Variants in TOP1MT observed in about 807,000 individuals in gnomAD.
TOP1MT encodes the protein DNA topoisomerase I, mitochondrial.
Under a neutral mutation model 73.9 loss-of-function variants are expected in TOP1MT, and 80 were observed. The ratio of observed to expected loss-of-function variants is 1.08; its 90% CI spans 0.90 to 1.30. The LOEUF is 1.30. Ranked by LOEUF, TOP1MT falls within the 50% of genes most tolerant of loss-of-function variation. The pLI is 0.00. For missense variants in TOP1MT, 815 were observed against 808.0 expected, an observed-to-expected ratio of 1.01 and a Z score of -0.10; for synonymous variants, 338 against 326.4, an observed-to-expected ratio of 1.04 and a Z score of -0.38.
chr8:143,338,116 C>T (rs1563769628), upstream of TOP1MT, among the ~76,000 whole-genome samples: 1 of 152,078 alleles, frequency 6.6e-6, no homozygotes, highest in Admixed American at 6.6e-5. Flanking sequence ...AACCGGTGTC[C>T]GAGAGGTTTT....
intron 1 of TOP1MT, among the ~76,000 whole-genome samples, chr8:143,355,654 C>G (rs1817395360): frequency 2.0e-5 from 3 of 152,166 alleles, no homozygotes. Context: ...GAAAGGGCCC[C>G]TGGCACATGA....
At chr8:143,329,499 G>A (rs377313658) in intron 2 of TOP1MT, 28 bp from the exon 3 acceptor site, 73 of 1,595,106 alleles carry the variant, frequency 4.6e-5, no homozygotes, top group Non-Finnish European at 5.6e-5. Context: ...CACATCGTAT[G>A]AGAGAGCGGC....
chr8:143,351,923 A>G (rs986504486), intron 1 of TOP1MT, among the ~76,000 whole-genome samples: 2 of 152,214 alleles, frequency 1.3e-5, no homozygotes, highest in African/African-American at 4.8e-5. Flanking sequence ...CTCTCTATTA[A>G]AAATACAAAA....
upstream of TOP1MT, among the ~76,000 whole-genome samples, chr8:143,359,575 G>A (rs2977349): frequency 1.3e-5 from 2 of 150,514 alleles, no homozygotes; most frequent in African/African-American, 5.0e-5. Flanking sequence ...CCGAGCGGGA[G>A]GGGTAAGCGA....
At chr8:143,348,032 G>T (rs192818592), upstream of TOP1MT, among the ~76,000 whole-genome samples, 43 of 152,312 alleles carry the variant, frequency 2.8e-4, no homozygotes, top group Admixed American at 2.4e-3. This position sits in a 1 kb window ranked among gnomAD's most constrained non-coding sequence, Gnocchi z 4.6. Context: ...CAGCAGCCTT[G>T]CAAGCCAGAG....
At chr8:143,339,316 G>A (rs367729977), upstream of TOP1MT, among the ~76,000 whole-genome samples, 12 of 152,336 alleles carry the variant, frequency 7.9e-5, no homozygotes, top group African/African-American at 2.4e-4. Context: ...GCAGGCGTGC[G>A]TATCACACCC....
intron 3 of TOP1MT, among the ~76,000 whole-genome samples, chr8:143,326,813 C>T (rs754943075): frequency 3.5e-4 from 54 of 152,328 alleles, no homozygotes; most frequent in Non-Finnish European, 5.0e-4. Context: ...AGTCTCAGTC[C>T]ATACGTGCTG....
Position 143,326,205 on chromosome 8 carries a change from G to A in TOP1MT, c.483+17C>T. On this transcript the variant is annotated intron_variant, in intron 4 of 13. Transcript: ENST00000329245. ...CAGGGGCCACTTCAGGTCACACAAC[G>A]CTCGAGGCAGCCCAACCTGCTTCTC... 3.1e-6 allele frequency: 5 copies of A among 1,613,072 alleles called. No homozygotes were observed. The highest frequency in any genetic ancestry group is 4.2e-6 in the Non-Finnish European group (5 of 1,179,828).
At position 143,334,835 on chromosome 8, in the gene TOP1MT, G is replaced by A. The variant is rs1248523127; in HGVS notation, c.27C>T (p.Leu9=). The part of the protein sequence containing the change: MRVVRLLR[L]RAALTLLGEV... Reference sequence around the variant, plus strand: ...CCCCGAGCAGCGTCAGAGCCGCCCGGAGCCGCAGCAGCCGCACCACGCGCA... The same window carrying A: ...CCCCGAGCAGCGTCAGAGCCGCCCGAAGCCGCAGCAGCCGCACCACGCGCA... Residue 9 remains leucine (L), a synonymous_variant, in exon 1 of 14, where the codon CTC becomes CTT. Transcript: ENST00000329245. The A allele has an allele frequency of 6.6e-7, 1 of 1,516,158 alleles. No individual in the cohort carries two copies. The highest frequency in any genetic ancestry group is 1.8e-5 in the African/African-American group (1 of 55,258). 93.9% of individuals were successfully genotyped at this position (1,516,158 alleles called of 1,614,324 possible).
intron 2 of TOP1MT, among the ~76,000 whole-genome samples, chr8:143,330,407 C>T (rs1280522828): frequency 6.6e-6 from 1 of 152,254 alleles, no homozygotes; most frequent in East Asian, 1.9e-4. Context: ...CCCATGGCCT[C>T]CCGTGGGCAG....
intron 1 of TOP1MT, chr8:143,343,681 T>C (rs1586782005): frequency 1.9e-5 from 3 of 160,510 alleles, no homozygotes; most frequent in East Asian, 1.7e-4. Flanking sequence ...AAAGTAACTT[T>C]TGAAGAAGAA....
intron 10 of TOP1MT, among the ~76,000 whole-genome samples, chr8:143,316,675 G>A (rs1179728936): frequency 6.6e-6 from 1 of 151,882 alleles, no homozygotes; most frequent in Non-Finnish European, 1.5e-5. Flanking sequence ...TTCCCCTGGC[G>A]ACATCCCCTC....
chr8:143,329,084 C>T (rs1816782147), intron 3 of TOP1MT, among the ~76,000 whole-genome samples: 1 of 152,184 alleles, frequency 6.6e-6, no homozygotes, highest in South Asian at 2.1e-4. Context: ...TCCACATCCA[C>T]AGCCTGCCTG....
intron 12 of TOP1MT, among the ~76,000 whole-genome samples, chr8:143,315,078 T>C (rs569593883): frequency 3.0e-4 from 45 of 152,048 alleles, no homozygotes; most frequent in African/African-American, 6.0e-4. Flanking sequence ...GAAAAACACC[T>C]GCCACTTAGC....
At chr8:143,332,565 TGA>T in intron 1 of TOP1MT, 1 of 1,289,330 alleles carries the variant, frequency 7.8e-7, no homozygotes, top group African/African-American at 1.5e-5. Context: ...TCGGCTGGGA[TGA>T]GTGTCCTCAG....
chr8:143,316,605 ACCT>A (rs1213296334), intron 10 of TOP1MT, among the ~76,000 whole-genome samples: 1 of 100,950 alleles, frequency 9.9e-6, no homozygotes, highest in Non-Finnish European at 2.0e-5. Context: ...AGTCCCCAGC[ACCT>A]GGCTTCCCCT....
In TOP1MT at chr8:143,344,852, G is replaced by A. The variant is rs113575292; in HGVS notation, c.-39+64C>T. On this transcript the variant is annotated intron_variant, in intron 1 of 5. Coordinates refer to the TOP1MT transcript ENST00000518007. This position sits in a 1 kb window ranked among gnomAD's most constrained non-coding sequence, Gnocchi z 4.6. ...GGGACCTCAGCTGAGCGAGATGAGC[G>A]ACAGTGAACAAGGCCAGGCAGGAGA... The A allele has an allele frequency of 0.023, 3,562 of 152,626 alleles. 54 individuals carry two copies. The highest frequency in any genetic ancestry group is 0.038 in the Non-Finnish European group (2,620 of 68,292). 9.5% of individuals were successfully genotyped at this position (152,626 alleles called of 1,614,324 possible).
At chr8:143,322,009 G>C (rs1816428812) in intron 7 of TOP1MT, among the ~76,000 whole-genome samples, 1 of 56,344 alleles carries the variant, frequency 1.8e-5, no homozygotes, top group African/African-American at 6.1e-5. Context: ...CCACACACAT[G>C]CACGCCACAC....
rs568392466 is a variant in TOP1MT, at chr8:143,342,847, T to C, written c.29+373A>G. On this transcript the variant is annotated intron_variant, in intron 2 of 5. Coordinates refer to the TOP1MT transcript ENST00000518007. ...TCACCCAGGCTGGAGTGCAGTGGCG[T>C]GATCTCGGCTCACTGCAACCTCTGC... 1.8e-3 allele frequency among the ~76,000 whole-genome samples: 264 copies of C among 148,196 alleles called. 2 individuals carry two copies. The highest frequency in any genetic ancestry group is 3.5e-3 in the Middle Eastern group (1 of 288).
Sources: gnomAD v4.1 joint callset for allele counts (sites outside exome capture counted in the v4.1 genomes callset) on GRCh38, gnomAD v4.1.1 for gene constraint, Gnocchi (gnomAD v3.1) non-coding constraint, MANE v1.5 for transcripts, NCBI Gene and HGNC (gene_info 2026-07-23, HGNC 2026-07-21) for gene names.